Variants in DISC1 observed in about 807,000 individuals in gnomAD.
DISC1 encodes the protein DISC1 scaffold protein, also known as disrupted in schizophrenia 1 protein.
In DISC1, 57 loss-of-function variants were observed where a neutral mutation model predicts 84.5. That is an observed-to-expected ratio of 0.67 (90% CI 0.55 to 0.84). The LOEUF is 0.84. Among genes scored for constraint, DISC1 ranks in the 40% least tolerant of loss-of-function variants. The pLI is 0.00. For synonymous variants in DISC1, 411 were observed against 415.2 expected, an observed-to-expected ratio of 0.99 and a Z score of 0.12; for missense variants, 1,000 against 1,057.8, an observed-to-expected ratio of 0.95 and a Z score of 0.76.
intron 1 of DISC1, among the ~76,000 whole-genome samples, chr1:231,672,336 C>A (rs1018278121): frequency 6.6e-5 from 10 of 152,144 alleles, no homozygotes; most frequent in African/African-American, 2.4e-4. Context: ...CTCTTTCTAT[C>A]TTTTTACCTC....
intron 10 of DISC1, among the ~76,000 whole-genome samples, chr1:231,982,250 T>C (rs902365645): frequency 4.6e-5 from 7 of 152,096 alleles, no homozygotes; most frequent in Non-Finnish European, 8.8e-5. Context: ...TGCAAAGTAT[T>C]GATTAAATCA....
chr1:231,771,443 T>C (rs1453513908), intron 6 of DISC1: 17 of 985,296 alleles, frequency 1.7e-5, no homozygotes, highest in Non-Finnish European at 1.8e-5. Context: ...ACTATGCCTC[T>C]CACTAAGGGA....
chr1:231,735,059 A>G (rs1052099338), intron 3 of DISC1, among the ~76,000 whole-genome samples: 2 of 152,234 alleles, frequency 1.3e-5, no homozygotes, highest in Admixed American at 1.3e-4. Flanking sequence ...TTTTGTAAAC[A>G]ATAAACAGCT....
intron 1 of DISC1, among the ~76,000 whole-genome samples, chr1:231,673,935 A>G (rs1188799757): frequency 2.6e-5 from 4 of 152,216 alleles, no homozygotes; most frequent in African/African-American, 4.8e-5. Context: ...AGACATGTGC[A>G]TTTATCCCAG....
intron 9 of DISC1, among the ~76,000 whole-genome samples, chr1:231,896,665 T>C (rs2087716640): frequency 6.6e-6 from 1 of 152,182 alleles, no homozygotes; most frequent in Non-Finnish European, 1.5e-5. Flanking sequence ...ATATCTTCTG[T>C]GGTGACCCTT....
chr1:231,790,060 T>C (rs1027149737), intron 6 of DISC1, among the ~76,000 whole-genome samples: 2 of 152,176 alleles, frequency 1.3e-5, no homozygotes, highest in African/African-American at 4.8e-5. Flanking sequence ...TAGACAAGAA[T>C]GGTAATGTTC....
rs538146748 is a variant in DISC1, at chr1:231,881,654, G to A, written c.1981+63137G>A. 4.8e-4 allele frequency among the ~76,000 whole-genome samples: 73 copies of A among 152,166 alleles called. 1 individual carries two copies. The highest frequency in any genetic ancestry group is 1.5e-3 in the African/African-American group (63 of 41,514). ...CATCCACACTCCCAGCCAGGGTCCC[G>A]CTTCAAGACGAGCACTTCCTCTTCC... is the stretch of plus-strand genomic sequence containing the variant. On this transcript the variant is annotated intron_variant, in intron 9 of 12. Transcript: ENST00000439617.
At chr1:231,959,231 C>T in intron 10 of DISC1, 1 of 1,009,082 alleles carries the variant, frequency 9.9e-7, no homozygotes, top group Non-Finnish European at 1.2e-6. Flanking sequence ...TGAGGGGGGT[C>T]TTAAGGATTT....
chr1:231,727,915 G>T (rs1401723100), intron 3 of DISC1, among the ~76,000 whole-genome samples: 1 of 151,570 alleles, frequency 6.6e-6, no homozygotes, highest in Non-Finnish European at 1.5e-5. Context: ...TTGTACCACC[G>T]CACTCCAGCC....
chr1:231,788,334 C>T (rs1302389203), intron 6 of DISC1, among the ~76,000 whole-genome samples: 2 of 152,116 alleles, frequency 1.3e-5, no homozygotes, highest in Non-Finnish European at 2.9e-5. Context: ...GGGTTGCTTC[C>T]TTCTGGGGAC....
At chr1:231,740,742 T>A (rs1229363925) in intron 3 of DISC1, among the ~76,000 whole-genome samples, 1 of 152,216 alleles carries the variant, frequency 6.6e-6, no homozygotes, top group African/African-American at 2.4e-5. Flanking sequence ...TGAAATTCAT[T>A]TATGTTTTTT....
Position 231,937,817 on chromosome 1 carries a change from C to T in DISC1, c.1982-21011C>T, listed in dbSNP as rs555116659. ...ATTCCTAAACATGCATGTATGTTTGCGTGTGTGCATGAAAGCAGCTGTAGA... is the reference window on the plus strand; with the variant it reads ...ATTCCTAAACATGCATGTATGTTTGTGTGTGTGCATGAAAGCAGCTGTAGA... On this transcript the variant is annotated intron_variant, in intron 9 of 12. Coordinates refer to ENST00000439617, the MANE Select transcript of DISC1 (RefSeq NM_018662.3). Among the ~76,000 whole-genome samples, 32 of 150,664 alleles carry T rather than the reference C, an allele frequency of 2.1e-4. 1 individual carries two copies. In the East Asian group the frequency reaches 3.9e-3, roughly 18 times the overall value.
At chr1:231,711,578 C>T (rs1281009269) in intron 3 of DISC1, among the ~76,000 whole-genome samples, 1 of 151,630 alleles carries the variant, frequency 6.6e-6, no homozygotes, top group Non-Finnish European at 1.5e-5. Context: ...CCGTGTTAGC[C>T]AGGACAGTCT....
chr1:231,964,819 A>G (rs1023748396), intron 10 of DISC1, among the ~76,000 whole-genome samples: 3 of 152,268 alleles, frequency 2.0e-5, no homozygotes, highest in Non-Finnish European at 4.4e-5. Flanking sequence ...CAAGTTATCC[A>G]TTAAAGAAGA....
chr1:231,891,604 C>T (rs2087222909), intron 9 of DISC1, among the ~76,000 whole-genome samples: 1 of 151,998 alleles, frequency 6.6e-6, no homozygotes, highest in Non-Finnish European at 1.5e-5. Flanking sequence ...AGGGGCTGCC[C>T]CTAGTTGTTT....
At position 231,735,328 on chromosome 1, in the gene DISC1, A is replaced by T. The variant is rs1271772172; in HGVS notation, c.1118-14598A>T. The stretch of plus-strand genomic sequence containing the variant: ...TGGATATACCATAATTTACTTAACC[A>T]TTCCCCTAGAATTGGATCTGAGGCT... On this transcript the variant is annotated intron_variant, in intron 3 of 12. Coordinates refer to ENST00000439617, the MANE Select transcript of DISC1 (RefSeq NM_018662.3). Among the ~76,000 whole-genome samples the T allele has an allele frequency of 2.6e-5, 4 of 152,138 alleles. No individual in the cohort carries two copies. The South Asian group carries it at 8.3e-4, about 32-fold the overall frequency.
rs767632505 is a variant in DISC1 at position 231,694,448 on chromosome 1, A to G, written c.690A>G (p.Pro230=). 16 of 1,614,258 alleles carry G rather than the reference A, an allele frequency of 9.9e-6. No individual in the cohort carries two copies. The highest frequency in any genetic ancestry group is 1.3e-5 in the Non-Finnish European group (15 of 1,180,044). Residue 230 remains proline (P), a synonymous_variant, in exon 2 of 13, where the codon CCA becomes CCG. Transcript: ENST00000439617. ...AGERGEAEGC[P]PSREAESHCQ... is the part of the protein sequence containing the mutation. ...AACGTGGAGAAGCAGAAGGCTGCCCACCATCCAGAGAGGCTGAGTCCCATT... is the reference window on the plus strand; with the variant it reads ...AACGTGGAGAAGCAGAAGGCTGCCCGCCATCCAGAGAGGCTGAGTCCCATT...
At chr1:231,716,872 G>T (rs906776235) in intron 3 of DISC1, among the ~76,000 whole-genome samples, 22 of 151,886 alleles carry the variant, frequency 1.4e-4, no homozygotes, top group Non-Finnish European at 2.8e-4. Context: ...TCCTTGCTCT[G>T]GGTGATGGAC....
intron 8 of DISC1, among the ~76,000 whole-genome samples, chr1:231,802,628 A>T (rs887617461): frequency 6.6e-6 from 1 of 152,050 alleles, no homozygotes; most frequent in Admixed American, 6.6e-5. Flanking sequence ...TCATTTTCAA[A>T]CCTGGCCAGA....
Sources: allele counts gnomAD v4.1 joint callset (sites outside exome capture counted in the v4.1 genomes callset), GRCh38; gene constraint gnomAD v4.1.1; transcripts MANE v1.5; gene names NCBI Gene and HGNC (gene_info 2026-07-23, HGNC 2026-07-21).